The following PHACTR3 variants were observed in gnomAD, a reference collection of about 807,000 sequenced individuals.
The protein encoded by PHACTR3 is protein phosphatase 1, regulatory subunit 123.
A neutral mutation model predicts 66.8 loss-of-function variants in PHACTR3; 16 were observed. The ratio of observed to expected loss-of-function variants is 0.24; its 90% CI spans 0.16 to 0.36. PHACTR3 has a LOEUF of 0.36. Ranked by LOEUF, PHACTR3 falls within the 10% of genes least tolerant of loss-of-function variation. The probability of loss-of-function intolerance (pLI) is 1.00; values close to 1 mark genes in which losing one functional copy is unlikely to be tolerated. For missense variants in PHACTR3, 647 were observed against 719.9 expected (o/e 0.90, Z 1.16); for synonymous variants, 323 against 292.1 (o/e 1.11, Z -1.08).
At chr20:59,648,817 C>T (rs1005268083) in intron 1 of PHACTR3, among the ~76,000 whole-genome samples, 16 of 152,268 alleles carry the variant, frequency 1.1e-4, no homozygotes, top group South Asian at 6.2e-4. Flanking sequence ...GTGACAAGCT[C>T]GCCCTTAGAG....
chr20:59,845,155 T>C lies in PHACTR3; in HGVS notation c.1588-34T>C, dbSNP rs528389260. 1.9e-5 allele frequency: 25 copies of C among 1,321,116 alleles called. No individual in the cohort carries two copies. The Admixed American group carries it at 1.9e-4, about 10-fold the overall frequency. 81.8% of individuals were successfully genotyped at this position (1,321,116 alleles called of 1,614,324 possible). ...TGCTAATTTCCTGATTTTTTTAATA[T>C]CCTGTAAAACAATGTCTTGTTTTTA... On this transcript the variant is annotated intron_variant, in intron 11 of 12. Coordinates refer to ENST00000371015, the MANE Select transcript of PHACTR3 (RefSeq NM_080672.5).
intron 1 of PHACTR3, among the ~76,000 whole-genome samples, chr20:59,723,929 T>G (rs1399101978): frequency 2.0e-5 from 3 of 152,098 alleles, no homozygotes; most frequent in Non-Finnish European, 4.4e-5. Flanking sequence ...TTGAATTATT[T>G]GAGGAGTTGC....
intron 2 of PHACTR3, among the ~76,000 whole-genome samples, chr20:59,747,102 G>A (rs1275589757): frequency 2.0e-5 from 3 of 152,226 alleles, no homozygotes; most frequent in Admixed American, 6.5e-5. Context: ...GGTGGTGGCC[G>A]TCGCTCAAGA....
chr20:59,702,668 G>C (rs1239229506), intron 1 of PHACTR3, among the ~76,000 whole-genome samples: 1 of 152,150 alleles, frequency 6.6e-6, no homozygotes, highest in Admixed American at 6.5e-5. Context: ...CCTAGCCCTA[G>C]AACAGTGCCT....
chr20:59,697,247 T>G (rs533054901), intron 1 of PHACTR3, among the ~76,000 whole-genome samples: 18 of 152,324 alleles, frequency 1.2e-4, no homozygotes, highest in Admixed American at 9.1e-4. Context: ...TGCAGGCATG[T>G]GCCTGTCTCA....
In PHACTR3 at chr20:59,816,314, A is replaced by T. The variant is rs892621869; in HGVS notation, c.1328+10120A>T. ...ACTACTCACCTCCTGCTGTGTGGCC[A>T]GGTTCCTAATAGGCTAGGTTGCCCC... On this transcript the variant is annotated intron_variant, in intron 8 of 12. Coordinates refer to ENST00000371015, the MANE Select transcript of PHACTR3 (RefSeq NM_080672.5). Among the ~76,000 whole-genome samples the T allele has an allele frequency of 8.5e-5, 13 of 152,320 alleles. No homozygotes were observed. In the East Asian group the frequency reaches 2.3e-3, roughly 27 times the overall value.
At chr20:59,652,880 T>A (rs2035500807) in intron 1 of PHACTR3, among the ~76,000 whole-genome samples, 1 of 152,164 alleles carries the variant, frequency 6.6e-6, no homozygotes, top group South Asian at 2.1e-4. Context: ...GCCTTTCATG[T>A]AAAAAAGAGA....
At chr20:59,608,981 C>T (rs1323449412) in intron 1 of PHACTR3, among the ~76,000 whole-genome samples, 1 of 152,228 alleles carries the variant, frequency 6.6e-6, no homozygotes, top group Admixed American at 6.5e-5. Flanking sequence ...ATGCAGGAGA[C>T]TTTCAGTAAG....
intron 1 of PHACTR3, among the ~76,000 whole-genome samples, chr20:59,659,701 A>G (rs2035747486): frequency 6.6e-6 from 1 of 152,044 alleles, no homozygotes; most frequent in East Asian, 1.9e-4. Context: ...CTTTAGTTTC[A>G]TTCCATGTAT....
At chr20:59,621,392 G>A (rs1346809450) in intron 1 of PHACTR3, among the ~76,000 whole-genome samples, 3 of 152,250 alleles carry the variant, frequency 2.0e-5, no homozygotes, top group Non-Finnish European at 4.4e-5. Context: ...GGATTAGGTG[G>A]GGCCATGCTG....
At chr20:59,685,300 T>G (rs2146555777) in intron 1 of PHACTR3, among the ~76,000 whole-genome samples, 1 of 152,300 alleles carries the variant, frequency 6.6e-6, no homozygotes, top group South Asian at 2.1e-4. Context: ...CCTGCCTGCC[T>G]TCCTCATCTT....
chr20:59,645,824 G>A (rs1024798610), intron 1 of PHACTR3, among the ~76,000 whole-genome samples: 1 of 152,112 alleles, frequency 6.6e-6, no homozygotes, highest in Non-Finnish European at 1.5e-5. Flanking sequence ...ATCTAGCTCA[G>A]TGCCTGGCAC....
rs370348858 is a variant in PHACTR3 at position 59,725,353 on chromosome 20, C to T, written c.119-17754C>T. 3.6e-4 allele frequency among the ~76,000 whole-genome samples: 54 copies of T among 152,090 alleles called. 1 individual carries two copies. In the South Asian group the frequency reaches 8.5e-3, roughly 24 times the overall value. ...TGTGAGCCCAGGTGTGCCGTGAGCT[C>T]AGTGAGTCCAGGTGGGCTGTGTGCC... On this transcript the variant is annotated intron_variant, in intron 1 of 12. Transcript: ENST00000371015.
intron 1 of PHACTR3, among the ~76,000 whole-genome samples, chr20:59,643,574 G>A (rs1326421948): frequency 1.3e-5 from 2 of 152,192 alleles, no homozygotes; most frequent in Admixed American, 6.5e-5. Flanking sequence ...TTCTTCACAG[G>A]ATAATTAGAC....
intron 1 of PHACTR3, among the ~76,000 whole-genome samples, chr20:59,631,503 G>A (rs2034662688): frequency 6.6e-6 from 1 of 151,966 alleles, no homozygotes; most frequent in Admixed American, 6.6e-5. Flanking sequence ...ACTTTGTCTT[G>A]GTCCAGTTTA....
At chr20:59,578,843 C>T (rs1399693670) in intron 1 of PHACTR3, among the ~76,000 whole-genome samples, 1 of 152,202 alleles carries the variant, frequency 6.6e-6, no homozygotes, top group African/African-American at 2.4e-5. Flanking sequence ...AGGAGAAGCT[C>T]GTGGCAGAAG....
intron 1 of PHACTR3, among the ~76,000 whole-genome samples, chr20:59,706,624 G>A (rs78548656): frequency 6.6e-6 from 1 of 152,358 alleles, no homozygotes; most frequent in East Asian, 1.9e-4. Flanking sequence ...CCTATAAAGA[G>A]AGCCCTCTCC....
At position 59,688,453 on chromosome 20, in the gene PHACTR3, T is replaced by A. The variant is rs530195157; in HGVS notation, c.119-54654T>A. Among the ~76,000 whole-genome samples the A allele has an allele frequency of 2.0e-5, 3 of 152,312 alleles. No individual in the cohort carries two copies. The East Asian group carries it at 5.8e-4, about 29-fold the overall frequency. On this transcript the variant is annotated intron_variant, in intron 1 of 12. Coordinates refer to ENST00000371015, the MANE Select transcript of PHACTR3 (RefSeq NM_080672.5). ...ATGGGAAACCACAGGACTATATTGT[T>A]AGTAGTACTGGGAAAGCCTAGTCGG... is the stretch of plus-strand genomic sequence containing the variant.
chr20:59,722,538 T>C (rs1190219862), intron 1 of PHACTR3, among the ~76,000 whole-genome samples: 1 of 151,862 alleles, frequency 6.6e-6, no homozygotes, highest in African/African-American at 2.4e-5. Flanking sequence ...TTGGATTGGA[T>C]CCTTAATGGA....
Sources: allele counts gnomAD v4.1 joint callset (sites outside exome capture counted in the v4.1 genomes callset), GRCh38; gene constraint gnomAD v4.1.1; transcripts MANE v1.5; gene names NCBI Gene and HGNC (gene_info 2026-07-23, HGNC 2026-07-21).